The following MAP1LC3B variants were observed in gnomAD, a reference collection of about 807,000 sequenced individuals.
MAP1LC3B encodes microtubule-associated protein 1 light chain 3 beta.
MAP1LC3B carries 12 observed loss-of-function variants against 16.7 expected under a neutral mutation model. The observed-to-expected ratio is 0.72, with a 90% CI of 0.46 to 1.16. The LOEUF (loss-of-function observed/expected upper bound fraction) is 1.16. Among genes scored for constraint, MAP1LC3B ranks in the 50% most tolerant of loss-of-function variants. MAP1LC3B has a pLI of 0.00. For missense variants in MAP1LC3B, 155 were observed against 159.5 expected (o/e 0.97, Z 0.15); for synonymous variants, 63 against 56.5 (o/e 1.11, Z -0.51).
Position 87,392,438 on chromosome 16 carries a change from AG to A in MAP1LC3B, c.12del (p.Lys5ArgfsTer13). 2.1e-6 allele frequency: 3 copies of A among 1,417,214 alleles called. No homozygotes were observed. Among genetic ancestry groups the A allele is most frequent in the Non-Finnish European group, 2.7e-6 (3 of 1,095,030 alleles). The allele number at this position is 1,417,214 out of a possible 1,614,324, so 87.8% of individuals were successfully genotyped here. On this transcript the variant is annotated frameshift_variant, in exon 1 of 4. Coordinates refer to ENST00000268607, the MANE Select transcript of MAP1LC3B (RefSeq NM_022818.5). LOFTEE classifies it high-confidence loss of function. MPS[E>X]KTFKQRRTFE... ...CCAGATCCCTGCACCATGCCGTCGG[AG>A]AAGACCTTCAAGCAGCGCCGCACCT...
chr16:87,393,289 C>T (rs968969001), intron 1 of MAP1LC3B: 3 of 152,218 alleles, frequency 2.0e-5, no homozygotes, highest in African/African-American at 7.2e-5. Flanking sequence ...TGATTATTTC[C>T]CGCTTGAGCA....
At chr16:87,399,629 T>G (rs1312534028) in intron 2 of MAP1LC3B, 1 of 455,788 alleles carries the variant, frequency 2.2e-6, no homozygotes, top group African/African-American at 2.0e-5. Flanking sequence ...AGAAAAGATG[T>G]CCGCAGCGTT....
intron 3 of MAP1LC3B, chr16:87,402,698 A>C: frequency 1.6e-6 from 1 of 608,140 alleles, no homozygotes; most frequent in South Asian, 2.1e-5. Flanking sequence ...ACAGCTGTTC[A>C]GACAGTATAC....
chr16:87,395,836 G>GT (rs1398016434), intron 1 of MAP1LC3B, among the ~76,000 whole-genome samples: 2 of 120,074 alleles, frequency 1.7e-5, no homozygotes, highest in Non-Finnish European at 3.6e-5. Flanking sequence ...CATAGAGCCT[G>GT]TTTTTTCCTT....
intron 2 of MAP1LC3B, among the ~76,000 whole-genome samples, chr16:87,401,769 A>T (rs1184019334): frequency 6.6e-6 from 1 of 151,184 alleles, no homozygotes; most frequent in Non-Finnish European, 1.5e-5. Context: ...ACCTCAGGTG[A>T]TCTGCTGGCC....
intron 2 of MAP1LC3B, among the ~76,000 whole-genome samples, 186 bp from the exon 3 acceptor site, chr16:87,401,977 CGCCCGCCACCAT>C (rs1397079087): frequency 6.6e-6 from 1 of 152,068 alleles, no homozygotes; most frequent in Non-Finnish European, 1.5e-5. Flanking sequence ...GGACTACAGG[CGCCCGCCACCAT>C]GCCCGGCTAA....
intron 3 of MAP1LC3B, 87 bp downstream of exon 3, chr16:87,402,368 G>A: frequency 8.0e-7 from 1 of 1,248,128 alleles, no homozygotes. Context: ...TTTAGTTCTG[G>A]TTAAAATCTT....
At chr16:87,401,537 T>A (rs1907992057) in intron 2 of MAP1LC3B, among the ~76,000 whole-genome samples, 1 of 152,218 alleles carries the variant, frequency 6.6e-6, no homozygotes, top group Admixed American at 6.5e-5. Flanking sequence ...TTGATGACTA[T>A]TTTATTTATT....
chr16:87,404,232 G>A lies in MAP1LC3B; in HGVS notation c.*1135G>A, dbSNP rs973608793. 5 of 152,212 alleles carry A rather than the reference G, an allele frequency of 3.3e-5. No homozygotes were observed. The highest frequency in any genetic ancestry group is 1.2e-4 in the African/African-American group (5 of 41,432). The allele number at this position is 152,212 out of a possible 1,614,324, so 9.4% of individuals were successfully genotyped here. ...AGTTAAACCTCCTCAGGTTCAACCTGTGATAAAAGACTAGTGCTTCCCAGT... is the reference window on the plus strand; with the variant it reads ...AGTTAAACCTCCTCAGGTTCAACCTATGATAAAAGACTAGTGCTTCCCAGT... On this transcript the variant is annotated 3_prime_UTR_variant, in exon 4 of 4. Transcript: ENST00000268607.
intron 3 of MAP1LC3B, 49 bp downstream of exon 3, chr16:87,402,330 T>A (rs1264707400): frequency 1.3e-6 from 2 of 1,523,534 alleles, no homozygotes; most frequent in African/African-American, 2.8e-5. Context: ...AGTAACTTCT[T>A]ATTCTTTATG....
intron 1 of MAP1LC3B, among the ~76,000 whole-genome samples, chr16:87,396,249 G>T (rs1597389019): frequency 1.3e-5 from 2 of 151,938 alleles, no homozygotes; most frequent in African/African-American, 4.8e-5. Context: ...GCCAAGGTGG[G>T]CGGATCACAA....
intron 1 of MAP1LC3B, chr16:87,393,167 T>TA (rs1907666243): frequency 6.6e-6 from 1 of 152,296 alleles, no homozygotes; most frequent in Non-Finnish European, 1.5e-5. Context: ...GAATACCGAA[T>TA]ACATCCCTTT....
At chr16:87,395,525 T>A (rs1597388699) in intron 1 of MAP1LC3B, among the ~76,000 whole-genome samples, 1 of 152,232 alleles carries the variant, frequency 6.6e-6, no homozygotes, top group African/African-American at 2.4e-5. Context: ...TTTTGTTAAA[T>A]ATACTGTTAG....
At chr16:87,399,723 A>G (rs996604815) in intron 2 of MAP1LC3B, 1 of 379,704 alleles carries the variant, frequency 2.6e-6, no homozygotes, top group Non-Finnish European at 5.2e-6. Context: ...AAAACAAAAT[A>G]TTTTGCTCCA....
At chr16:87,395,733 G>T (rs1476312496) in intron 1 of MAP1LC3B, among the ~76,000 whole-genome samples, 2 of 151,132 alleles carry the variant, frequency 1.3e-5, no homozygotes, top group Non-Finnish European at 2.9e-5. Flanking sequence ...CACCTTTCAT[G>T]AAAATAATCA....
At chr16:87,397,716 G>A (rs947379308) in intron 1 of MAP1LC3B, among the ~76,000 whole-genome samples, 2 of 152,034 alleles carry the variant, frequency 1.3e-5, no homozygotes, top group Non-Finnish European at 2.9e-5. Context: ...TATTTTTTCT[G>A]TCTCAGGAAG....
intron 1 of MAP1LC3B, chr16:87,396,754 G>C (rs970803128): frequency 2.0e-5 from 3 of 152,164 alleles, no homozygotes; most frequent in Admixed American, 6.5e-5. Context: ...CTGGGAAGTA[G>C]AGAAGGAGTC....
At chr16:87,392,650 A>G (rs72628299) in intron 1 of MAP1LC3B, 183 bp downstream of exon 1, 179,037 of 392,862 alleles carry the variant, frequency 0.46, 44,632 homozygotes, top group East Asian at 1. Flanking sequence ...CCAGGCCGGG[A>G]CCGAGCCGGG....
chr16:87,400,901 G>A (rs550932893), intron 2 of MAP1LC3B, among the ~76,000 whole-genome samples: 3 of 152,076 alleles, frequency 2.0e-5, no homozygotes, highest in African/African-American at 7.2e-5. Context: ...TTGGAAGGCC[G>A]AGGCGGGTGG....
Sources: gnomAD v4.1 joint callset for allele counts (sites outside exome capture counted in the v4.1 genomes callset) on GRCh38, gnomAD v4.1.1 for gene constraint, MANE v1.5 for transcripts, NCBI Gene and HGNC (gene_info 2026-07-23, HGNC 2026-07-21) for gene names.